NRXN3: variants seen among roughly 807,000 people sequenced by gnomAD.
NRXN3 encodes the protein neurexin 3, also known as neurexin III.
In NRXN3, 32 loss-of-function variants were observed where a neutral mutation model predicts 137.6. The observed-to-expected ratio is 0.23, with a 90% CI of 0.18 to 0.31. The LOEUF (loss-of-function observed/expected upper bound fraction) is 0.31. Ranked by LOEUF, NRXN3 falls within the 10% of genes least tolerant of loss-of-function variation. The pLI is 1.00. For missense variants in NRXN3, 1,574 were observed against 2,062.5 expected, an observed-to-expected ratio of 0.76 and a Z score of 4.59; for synonymous variants, 798 against 784.5, an observed-to-expected ratio of 1.02 and a Z score of -0.29.
intron 4 of NRXN3, among the ~76,000 whole-genome samples, chr14:78,431,858 C>T (rs570025188): frequency 2.2e-4 from 34 of 152,248 alleles, no homozygotes; most frequent in Non-Finnish European, 3.7e-4. Context: ...TTACAACATT[C>T]CTTGGAGGTA....
At chr14:79,732,602 A>G (rs1295359001) in intron 19 of NRXN3, among the ~76,000 whole-genome samples, 1 of 152,226 alleles carries the variant, frequency 6.6e-6, no homozygotes, top group East Asian at 1.9e-4. Context: ...ACTTGCCTAG[A>G]TTAAAAACTG....
In NRXN3 at chr14:78,511,356, A is replaced by G. The variant is rs570530040; in HGVS notation, c.758-133764A>G. 8.5e-5 allele frequency among the ~76,000 whole-genome samples: 13 copies of G among 152,346 alleles called. No individual in the cohort carries two copies. In the South Asian group the frequency reaches 2.7e-3, roughly 32 times the overall value. ...AAGCATGTAAAGATTAATCACAGAT[A>G]TCTGCTTGTATTACCTAGATTAATG... On this transcript the variant is annotated intron_variant, in intron 4 of 20. Transcript: ENST00000335750.
chr14:79,353,760 G>A (rs1259012581), intron 15 of NRXN3, among the ~76,000 whole-genome samples: 3 of 152,102 alleles, frequency 2.0e-5, no homozygotes, highest in Admixed American at 1.3e-4. Context: ...GGTATCATGA[G>A]CAACTTTGCT....
chr14:79,102,308 G>A (rs1163770320), intron 15 of NRXN3, among the ~76,000 whole-genome samples: 1 of 152,068 alleles, frequency 6.6e-6, no homozygotes, highest in East Asian at 1.9e-4. Context: ...TCCTAGGACT[G>A]GAGAAGATAA....
intron 1 of NRXN3, among the ~76,000 whole-genome samples, chr14:78,219,503 A>G (rs1392275532): frequency 4.6e-5 from 7 of 152,210 alleles, no homozygotes; most frequent in Non-Finnish European, 1.0e-4. Flanking sequence ...GATCCAAGTT[A>G]GAAGGCTTGG....
intron 15 of NRXN3, among the ~76,000 whole-genome samples, chr14:79,010,458 A>G (rs2099569109): frequency 6.6e-6 from 1 of 152,200 alleles, no homozygotes; most frequent in South Asian, 2.1e-4. Context: ...TGTAACTCAT[A>G]CCTAGGCTGA....
At chr14:78,534,724 A>G (rs2096515302) in intron 4 of NRXN3, among the ~76,000 whole-genome samples, 1 of 152,186 alleles carries the variant, frequency 6.6e-6, no homozygotes, top group Non-Finnish European at 1.5e-5. Flanking sequence ...AGTGCCATTC[A>G]ACATTCCTGG....
intron 15 of NRXN3, among the ~76,000 whole-genome samples, chr14:79,448,132 A>G (rs1333963775): frequency 6.6e-6 from 1 of 152,102 alleles, no homozygotes; most frequent in Non-Finnish European, 1.5e-5. Flanking sequence ...CTCCAGCGAC[A>G]CTGGTTTCCT....
At chr14:78,987,008 C>G (rs1030933608) in intron 14 of NRXN3, among the ~76,000 whole-genome samples, 2 of 113,876 alleles carry the variant, frequency 1.8e-5, no homozygotes, top group Admixed American at 1.4e-4. Flanking sequence ...AGCAACAGAG[C>G]GAGACTGTCT....
At chr14:79,811,454 A>G (rs1305340772) in intron 20 of NRXN3, among the ~76,000 whole-genome samples, 5 of 152,148 alleles carry the variant, frequency 3.3e-5, no homozygotes, top group Admixed American at 6.5e-5. Context: ...CCATTTTTCA[A>G]CCGCCTTCAT....
chr14:79,624,801 TTG>T (rs569205246), intron 16 of NRXN3, among the ~76,000 whole-genome samples: 11,557 of 130,230 alleles, frequency 0.089, 546 homozygotes, highest in Middle Eastern at 0.16. Flanking sequence ...GTTTTTTTTT[TTG>T]TTTGTTTTTG....
At chr14:79,579,477 G>A (rs779699880) in intron 16 of NRXN3, among the ~76,000 whole-genome samples, 2 of 151,514 alleles carry the variant, frequency 1.3e-5, no homozygotes, top group Non-Finnish European at 2.9e-5. Flanking sequence ...GCCAATCTAT[G>A]TGTGATGGGA....
At chr14:79,575,722 G>T (rs1465415550) in intron 16 of NRXN3, among the ~76,000 whole-genome samples, 1 of 152,020 alleles carries the variant, frequency 6.6e-6, no homozygotes, top group African/African-American at 2.4e-5. Context: ...TGAAATGATT[G>T]CTTCCATGTT....
At chr14:79,279,453 C>T (rs919313615) in intron 15 of NRXN3, 12 of 986,076 alleles carry the variant, frequency 1.2e-5, no homozygotes, top group Non-Finnish European at 1.4e-5. Flanking sequence ...ACCTCTGCAG[C>T]CTGCCAGGCA....
At chr14:78,644,698 C>G (rs888735098) in intron 4 of NRXN3, among the ~76,000 whole-genome samples, 1 of 152,144 alleles carries the variant, frequency 6.6e-6, no homozygotes, top group Non-Finnish European at 1.5e-5. Flanking sequence ...TCAATAAAAG[C>G]TACCTGGAGC....
chr14:79,726,079 G>A (rs1402146679), intron 19 of NRXN3, among the ~76,000 whole-genome samples: 1 of 152,116 alleles, frequency 6.6e-6, no homozygotes, highest in Non-Finnish European at 1.5e-5. Flanking sequence ...AACTCCCACA[G>A]TATTTGTGCC....
intron 6 of NRXN3, among the ~76,000 whole-genome samples, chr14:78,706,503 ATATGGACCCTG>A (rs534798137): frequency 1.2e-3 from 177 of 152,292 alleles, no homozygotes; most frequent in Admixed American, 1.9e-3. Flanking sequence ...GGTTCTGAGC[ATATGGACCCTG>A]GGGCCCAAAT....
intron 4 of NRXN3, among the ~76,000 whole-genome samples, chr14:78,315,579 C>G (rs569818822): frequency 1.3e-5 from 2 of 152,090 alleles, no homozygotes; most frequent in Non-Finnish European, 2.9e-5. Context: ...TTATGTATAC[C>G]AAATCTATTT....
chr14:79,004,887 G>A (rs1419600649), intron 15 of NRXN3, among the ~76,000 whole-genome samples: 1 of 152,054 alleles, frequency 6.6e-6, no homozygotes, highest in Non-Finnish European at 1.5e-5. Context: ...CTCATCATTA[G>A]CATTTATTGA....
Sources: allele counts gnomAD v4.1 joint callset (sites outside exome capture counted in the v4.1 genomes callset), GRCh38; gene constraint gnomAD v4.1.1; transcripts MANE v1.5; gene names NCBI Gene and HGNC (gene_info 2026-07-23, HGNC 2026-07-21).